Variants in NEURL1 observed in about 807,000 individuals in gnomAD.
NEURL1 encodes the protein neuralized E3 ubiquitin protein ligase 1.
In NEURL1, 26 loss-of-function variants were observed where a neutral mutation model predicts 41.2. The observed-to-expected ratio is 0.63, with a 90% confidence interval of 0.46 to 0.87. NEURL1 has a LOEUF of 0.87. Among genes scored for constraint, NEURL1 ranks in the 40% least tolerant of loss-of-function variants. NEURL1 has a pLI of 0.00. For synonymous variants in NEURL1, 400 were observed against 402.3 expected (o/e 0.99, Z 0.07); for missense variants, 761 against 871.1 (o/e 0.87, Z 1.59).
Position 103,575,620 on chromosome 10 carries a change from G to A in NEURL1, c.649+3798G>A, listed in dbSNP as rs115899162. Among the ~76,000 whole-genome samples the A allele has an allele frequency of 1.5e-3, 223 of 149,548 alleles. 1 individual carries two copies. The highest frequency in any genetic ancestry group is 5.3e-3 in the African/African-American group (218 of 41,414). On this transcript the variant is annotated intron_variant, in intron 3 of 5. Transcript: ENST00000369780. ...CCCAGTGGACGGTCCTCCCTGCCCT[G>A]GCCAGAATCCAAGCCCACAATGGTG...
chr10:103,581,501 T>C (rs1021093184), intron 3 of NEURL1, among the ~76,000 whole-genome samples: 5 of 152,174 alleles, frequency 3.3e-5, no homozygotes, highest in African/African-American at 1.2e-4. Flanking sequence ...CCCAAGAAGT[T>C]CAGCTATTTG....
At chr10:103,563,268 C>T (rs187530531) in intron 1 of NEURL1, among the ~76,000 whole-genome samples, 23 of 152,208 alleles carry the variant, frequency 1.5e-4, no homozygotes, top group East Asian at 3.9e-4. Flanking sequence ...ATAAACTTAC[C>T]GGGGCCTCAC....
chr10:103,527,959 C>G (rs1385338296), intron 1 of NEURL1, among the ~76,000 whole-genome samples: 1 of 152,242 alleles, frequency 6.6e-6, no homozygotes, highest in African/African-American at 2.4e-5. Flanking sequence ...ATGGCTCACG[C>G]CTGTAATCCC....
intron 1 of NEURL1, among the ~76,000 whole-genome samples, chr10:103,560,002 C>T (rs935525082): frequency 1.4e-4 from 22 of 151,844 alleles, no homozygotes; most frequent in African/African-American, 5.3e-4. Flanking sequence ...ATACACAATG[C>T]ACGCACACAT....
chr10:103,532,208 G>C lies in NEURL1; in HGVS notation c.85+37736G>C, dbSNP rs117274118. Among the ~76,000 whole-genome samples, 199 of 152,282 alleles carry C rather than the reference G, an allele frequency of 1.3e-3. 4 individuals are homozygous for C. The East Asian group carries it at 0.037, about 28-fold the overall frequency. ...ACATTCAAGGTTATTGTTGATAGGTGAGGACTTGCCCCTGTCAATTCATTA... is the reference window on the plus strand; with the variant it reads ...ACATTCAAGGTTATTGTTGATAGGTCAGGACTTGCCCCTGTCAATTCATTA... On this transcript the variant is annotated intron_variant, in intron 1 of 5. Coordinates refer to ENST00000369780, the MANE Select transcript of NEURL1 (RefSeq NM_004210.5).
chr10:103,571,428 C>T (rs751932961), intron 2 of NEURL1, 73 bp from the exon 3 acceptor site: 332 of 1,457,604 alleles, frequency 2.3e-4, no homozygotes, highest in Non-Finnish European at 2.8e-4. Flanking sequence ...AGGGAGTCCA[C>T]CGCAGGGAGG....
chr10:103,548,921 G>A (rs2034979773), intron 1 of NEURL1, among the ~76,000 whole-genome samples: 1 of 152,166 alleles, frequency 6.6e-6, no homozygotes, highest in African/African-American at 2.4e-5. Flanking sequence ...GGTGGGGTGG[G>A]CACATCCATC....
chr10:103,590,017 G>T lies in NEURL1; in HGVS notation c.1487-117G>T, dbSNP rs1450409937. ...GCCCTGGAAGTTGGGTTGTCAGGGT[G>T]AACAGGCAGATCCTGATAAATGGAG... is the stretch of plus-strand genomic sequence containing the variant. On this transcript the variant is annotated intron_variant, in intron 5 of 5. Transcript: ENST00000369780. 2.8e-6 allele frequency: 3 copies of T among 1,075,414 alleles called. No individual in the cohort carries two copies. The African/African-American group carries it at 4.6e-5, about 17-fold the overall frequency. 66.6% of individuals were successfully genotyped at this position (1,075,414 alleles called of 1,614,324 possible). A position where few individuals can be genotyped will look rare whatever the true frequency, so the allele number is the denominator to read the frequency against.
chr10:103,585,358 T>A, intron 4 of NEURL1, 133 bp downstream of exon 4: 1 of 843,012 alleles, frequency 1.2e-6, no homozygotes, highest in African/African-American at 1.8e-5. Context: ...ACACCTAAGG[T>A]GAGTTCTGGG....
chr10:103,555,507 C>A, intron 1 of NEURL1: 1 of 1,093,408 alleles, frequency 9.1e-7, no homozygotes, highest in Non-Finnish European at 1.2e-6. Context: ...AGGGCTTGGT[C>A]ATGCCCCTAC....
chr10:103,567,222 G>T (rs1210068447), intron 1 of NEURL1, among the ~76,000 whole-genome samples: 4 of 151,958 alleles, frequency 2.6e-5, no homozygotes, highest in Admixed American at 6.6e-5. Flanking sequence ...GACCTCAAGT[G>T]ATCCGCCTGC....
chr10:103,579,961 TA>T (rs776847198), intron 3 of NEURL1, among the ~76,000 whole-genome samples: 1 of 151,658 alleles, frequency 6.6e-6, no homozygotes, highest in Non-Finnish European at 1.5e-5. Flanking sequence ...ATAATAATAA[TA>T]AAAAAAACAT....
intron 1 of NEURL1, among the ~76,000 whole-genome samples, chr10:103,527,985 C>T (rs762153935): frequency 1.6e-4 from 25 of 152,102 alleles, no homozygotes; most frequent in African/African-American, 5.3e-4. Flanking sequence ...TTTGGGAGGC[C>T]GAGGTGGACC....
Position 103,528,084 on chromosome 10 carries a change from G to T in NEURL1, c.85+33612G>T, listed in dbSNP as rs530232232. Among the ~76,000 whole-genome samples, 3 of 152,154 alleles carry T rather than the reference G, an allele frequency of 2.0e-5. No individual in the cohort carries two copies. In the South Asian group the frequency reaches 6.2e-4, roughly 32 times the overall value. On this transcript the variant is annotated intron_variant, in intron 1 of 5. Coordinates refer to ENST00000369780, the MANE Select transcript of NEURL1 (RefSeq NM_004210.5). Reference sequence around the variant, plus strand: ...AAAATACAAAAATTAGGCCAGGCACGTTGGCTCATGCCTGTAATCCCAGTA... The same window carrying T: ...AAAATACAAAAATTAGGCCAGGCACTTTGGCTCATGCCTGTAATCCCAGTA...
At position 103,503,418 on chromosome 10, in the gene NEURL1, T is replaced by C. The variant is rs58655718; in HGVS notation, c.85+8946T>C. Among the ~76,000 whole-genome samples the C allele has an allele frequency of 9.3e-3, 1,422 of 152,240 alleles. 24 individuals are homozygous for C. Among genetic ancestry groups the C allele is most frequent in the African/African-American group, 0.033 (1,371 of 41,530 alleles). On this transcript the variant is annotated intron_variant, in intron 1 of 5. Coordinates refer to ENST00000369780, the MANE Select transcript of NEURL1 (RefSeq NM_004210.5). ...GTCACTGGGAGGCAGGTGGGAGGCCTTGGCTTTTTCTCTGCTCTAGTGACA... is the reference window on the plus strand; with the variant it reads ...GTCACTGGGAGGCAGGTGGGAGGCCCTGGCTTTTTCTCTGCTCTAGTGACA...
chr10:103,590,442 C>G lies in NEURL1; in HGVS notation c.*70C>G. 1 of 1,342,344 alleles carries G rather than the reference C, an allele frequency of 7.4e-7. No homozygotes were observed. The highest frequency in any genetic ancestry group is 1.2e-5 in the South Asian group (1 of 83,002). The allele number at this position is 1,342,344 out of a possible 1,614,324, so 83.2% of individuals were successfully genotyped here. A position where few individuals can be genotyped will look rare whatever the true frequency, so the allele number is the denominator to read the frequency against. ...AGCCCAGTCCCAGCTGAGGAACAAGCCAGTGGGGCCCCTTCTCTTCCTCAT... is the reference window on the plus strand; with the variant it reads ...AGCCCAGTCCCAGCTGAGGAACAAGGCAGTGGGGCCCCTTCTCTTCCTCAT... On this transcript the variant is annotated 3_prime_UTR_variant, in exon 6 of 6. Transcript: ENST00000369780.
intron 4 of NEURL1, among the ~76,000 whole-genome samples, chr10:103,587,266 C>G (rs2035942455): frequency 6.6e-6 from 1 of 152,150 alleles, no homozygotes; most frequent in African/African-American, 2.4e-5. Context: ...TACTTTCTTC[C>G]CTCAGCACCA....
intron 3 of NEURL1, among the ~76,000 whole-genome samples, chr10:103,577,143 A>AT (rs2133880779): frequency 6.6e-6 from 1 of 152,210 alleles, no homozygotes; most frequent in East Asian, 1.9e-4. Context: ...CTCTTTGATG[A>AT]TTTTCATTTC....
At chr10:103,499,170 G>A (rs1439608771) in intron 1 of NEURL1, among the ~76,000 whole-genome samples, 4 of 152,178 alleles carry the variant, frequency 2.6e-5, no homozygotes, top group African/African-American at 7.2e-5. Context: ...TGGGTGTGAC[G>A]CCAGCGAGAC....
Sources: allele counts gnomAD v4.1 joint callset (sites outside exome capture counted in the v4.1 genomes callset), GRCh38; gene constraint gnomAD v4.1.1; transcripts MANE v1.5; gene names NCBI Gene and HGNC (gene_info 2026-07-23, HGNC 2026-07-21).